DLGAP1: variants seen among roughly 807,000 people sequenced by gnomAD.
DLGAP1 encodes the protein DLG associated protein 1, also known as disks large-associated protein 1.
Under a neutral mutation model 90.8 loss-of-function variants are expected in DLGAP1, and 11 were observed. That is an observed-to-expected ratio of 0.12 (90% CI 0.08 to 0.20). DLGAP1 has a LOEUF of 0.20. Ranked by LOEUF, DLGAP1 falls within the 10% of genes least tolerant of loss-of-function variation. The probability of loss-of-function intolerance (pLI) is 1.00; values close to 1 mark genes in which losing one functional copy is unlikely to be tolerated. For synonymous variants in DLGAP1, 558 were observed against 540.7 expected (o/e 1.03, Z -0.44); for missense variants, 1,050 against 1,333.8 (o/e 0.79, Z 3.31).
intron 7 of DLGAP1, among the ~76,000 whole-genome samples, chr18:3,696,543 A>C (rs2061100035): frequency 6.6e-6 from 1 of 152,206 alleles, no homozygotes; most frequent in Non-Finnish European, 1.5e-5. Flanking sequence ...CCCAGGGATG[A>C]AGCCTACTTG....
intron 3 of DLGAP1, among the ~76,000 whole-genome samples, chr18:3,883,378 A>G (rs1474977791): frequency 1.3e-5 from 2 of 152,196 alleles, no homozygotes; most frequent in African/African-American, 4.8e-5. Flanking sequence ...GCTCATGACA[A>G]TGTTGGCAAT....
At chr18:3,901,762 T>G (rs2071788733) in intron 3 of DLGAP1, among the ~76,000 whole-genome samples, 1 of 152,200 alleles carries the variant, frequency 6.6e-6, no homozygotes, top group Non-Finnish European at 1.5e-5. Flanking sequence ...ACATTAGTTC[T>G]GAGCAATGAG....
intron 3 of DLGAP1, among the ~76,000 whole-genome samples, chr18:3,965,935 C>A (rs1457878339): frequency 3.7e-5 from 3 of 81,536 alleles, no homozygotes; most frequent in Non-Finnish European, 2.3e-5. Context: ...GGTAAGACTC[C>A]ATGTCAAAAA....
chr18:3,948,931 T>A lies in DLGAP1; in HGVS notation c.-73+56185A>T, dbSNP rs572973740. On this transcript the variant is annotated intron_variant, in intron 3 of 12. Coordinates refer to ENST00000315677, the MANE Select transcript of DLGAP1 (RefSeq NM_004746.4). ...AAAAACCTGTGGAAATAAAAAATTT[T>A]AAAAAAATAAATAAAAATATGGACT... Among the ~76,000 whole-genome samples, 38 of 152,118 alleles carry A rather than the reference T, an allele frequency of 2.5e-4. 1 individual carries two copies. The highest frequency in any genetic ancestry group is 2.1e-3 in the South Asian group (10 of 4,820).
chr18:3,562,539 C>CTTTTT (rs59612709), intron 9 of DLGAP1, among the ~76,000 whole-genome samples: 3 of 118,142 alleles, frequency 2.5e-5, no homozygotes, highest in African/African-American at 3.5e-5. Context: ...TCTTCTCTCC[C>CTTTTT]TTTTTTTTTT....
intron 9 of DLGAP1, among the ~76,000 whole-genome samples, chr18:3,556,150 G>T (rs1373807760): frequency 6.6e-6 from 1 of 151,986 alleles, no homozygotes; most frequent in Non-Finnish European, 1.5e-5. Context: ...TGTTTTTTTA[G>T]AACAGTTTTA....
chr18:4,194,282 T>C (rs909997291), intron 1 of DLGAP1, among the ~76,000 whole-genome samples: 1 of 152,206 alleles, frequency 6.6e-6, no homozygotes, highest in African/African-American at 2.4e-5. Flanking sequence ...CCTGCGTTAA[T>C]TTCTTTAGGA....
chr18:3,635,076 T>C (rs1387246755), intron 7 of DLGAP1, among the ~76,000 whole-genome samples: 2 of 151,974 alleles, frequency 1.3e-5, no homozygotes, highest in Admixed American at 6.6e-5. Context: ...TGTTCTCTCT[T>C]ACTGACCACA....
chr18:4,389,872 T>C (rs183106094), intron 1 of DLGAP1, among the ~76,000 whole-genome samples: 4 of 152,312 alleles, frequency 2.6e-5, no homozygotes, highest in Admixed American at 2.6e-4. Flanking sequence ...TAATAATGCA[T>C]AGTTTAAATA....
chr18:3,657,049 C>T (rs563538033), intron 7 of DLGAP1, among the ~76,000 whole-genome samples: 85 of 152,196 alleles, frequency 5.6e-4, no homozygotes, highest in African/African-American at 1.9e-3. Flanking sequence ...TTTGGCTTTT[C>T]GGTGAATTTA....
At chr18:3,941,785 T>C (rs565712085) in intron 3 of DLGAP1, among the ~76,000 whole-genome samples, 1 of 152,306 alleles carries the variant, frequency 6.6e-6, no homozygotes, top group African/African-American at 2.4e-5. Flanking sequence ...TGATCACAGT[T>C]CACTGCAGCC....
intron 4 of DLGAP1, among the ~76,000 whole-genome samples, chr18:3,822,506 T>C (rs2067476952): frequency 6.6e-6 from 1 of 151,922 alleles, no homozygotes; most frequent in Admixed American, 6.6e-5. Flanking sequence ...ATCTGGAGGG[T>C]GGAGGAAGGA....
intron 7 of DLGAP1, among the ~76,000 whole-genome samples, chr18:3,714,680 C>T (rs1197828171): frequency 2.4e-5 from 3 of 123,920 alleles, no homozygotes; most frequent in Admixed American, 1.0e-4. Context: ...GAGTCTCGCT[C>T]TGTCATGCAA....
intron 4 of DLGAP1, among the ~76,000 whole-genome samples, chr18:3,870,427 T>C (rs1026643367): frequency 6.6e-6 from 1 of 152,212 alleles, no homozygotes; most frequent in Non-Finnish European, 1.5e-5. Flanking sequence ...TCACTTACTT[T>C]TACATGTAGG....
At chr18:3,724,569 C>A (rs1208836088) in intron 7 of DLGAP1, among the ~76,000 whole-genome samples, 1 of 151,824 alleles carries the variant, frequency 6.6e-6, no homozygotes, top group Non-Finnish European at 1.5e-5. Flanking sequence ...CATGGTGAAA[C>A]CCCATCTCTA....
intron 2 of DLGAP1, among the ~76,000 whole-genome samples, chr18:4,070,750 G>A (rs986264200): frequency 6.6e-5 from 10 of 151,924 alleles, no homozygotes; most frequent in Non-Finnish European, 1.0e-4. Flanking sequence ...AATCATAAAC[G>A]TAAACAAGAA....
chr18:4,103,735 G>C (rs899256550), intron 2 of DLGAP1, among the ~76,000 whole-genome samples: 7 of 152,108 alleles, frequency 4.6e-5, no homozygotes, highest in African/African-American at 1.7e-4. Context: ...CAGCAAGATA[G>C]AAGTTTTGTC....
intron 1 of DLGAP1, among the ~76,000 whole-genome samples, chr18:4,176,934 C>T (rs2077119210): frequency 6.6e-6 from 1 of 152,142 alleles, no homozygotes; most frequent in Non-Finnish European, 1.5e-5. Flanking sequence ...AGCATATTTT[C>T]CTACCTGTTG....
chr18:3,967,594 C>T (rs1219468252), intron 3 of DLGAP1, among the ~76,000 whole-genome samples: 1 of 152,172 alleles, frequency 6.6e-6, no homozygotes, highest in Non-Finnish European at 1.5e-5. Flanking sequence ...GCAGGCTGTC[C>T]TCTGCAGAGC....
Sources: gnomAD v4.1 joint callset for allele counts (sites outside exome capture counted in the v4.1 genomes callset) on GRCh38, gnomAD v4.1.1 for gene constraint, MANE v1.5 for transcripts, NCBI Gene and HGNC (gene_info 2026-07-23, HGNC 2026-07-21) for gene names.